Variants in MYO1D observed in about 807,000 individuals in gnomAD.
MYO1D encodes unconventional myosin-Id.
A neutral mutation model predicts 122.0 loss-of-function variants in MYO1D; 83 were observed. The ratio of observed to expected loss-of-function variants is 0.68; its 90% CI spans 0.57 to 0.82. The LOEUF (loss-of-function observed/expected upper bound fraction) is 0.82. Among genes scored for constraint, MYO1D ranks in the 40% least tolerant of loss-of-function variants. The pLI is 0.00. For synonymous variants in MYO1D, 464 were observed against 446.9 expected, an observed-to-expected ratio of 1.04 and a Z score of -0.48; for missense variants, 1,157 against 1,269.5, an observed-to-expected ratio of 0.91 and a Z score of 1.35.
chr17:32,499,324 C>A (rs1450295900), intron 21 of MYO1D: 2 of 151,074 alleles, frequency 1.3e-5, no homozygotes, highest in Non-Finnish European at 2.9e-5. Context: ...CATAGTGAGA[C>A]CCTGTCTCTA....
At chr17:32,525,464 T>C (rs1328509374) in intron 21 of MYO1D, among the ~76,000 whole-genome samples, 1 of 151,608 alleles carries the variant, frequency 6.6e-6, no homozygotes, top group Non-Finnish European at 1.5e-5. Flanking sequence ...TTTTTTTTTT[T>C]CAGGTAATAA....
intron 16 of MYO1D, among the ~76,000 whole-genome samples, chr17:32,669,265 A>C (rs1428275104): frequency 2.0e-5 from 3 of 152,216 alleles, no homozygotes; most frequent in African/African-American, 7.2e-5. Context: ...TTGTACTAGG[A>C]AGATAAGAAC....
intron 12 of MYO1D, among the ~76,000 whole-genome samples, chr17:32,746,471 T>C (rs2089839409): frequency 6.6e-6 from 1 of 152,202 alleles, no homozygotes; most frequent in Admixed American, 6.5e-5. Flanking sequence ...TGGAAGTATT[T>C]CCTTACTCTA....
intron 20 of MYO1D, among the ~76,000 whole-genome samples, chr17:32,624,786 C>CTTTT (rs11332360): frequency 2.1e-5 from 3 of 140,254 alleles, no homozygotes; most frequent in Non-Finnish European, 3.1e-5. Context: ...TTTTTTGTAT[C>CTTTT]TTTTTTTTTT....
intron 21 of MYO1D, among the ~76,000 whole-genome samples, chr17:32,509,314 C>T (rs1909604183): frequency 6.6e-6 from 1 of 152,176 alleles, no homozygotes; most frequent in African/African-American, 2.4e-5. Flanking sequence ...CATTACCTTG[C>T]TTTGTAAACC....
intron 10 of MYO1D, among the ~76,000 whole-genome samples, chr17:32,757,891 C>T (rs1349392011): frequency 6.6e-6 from 1 of 152,104 alleles, no homozygotes; most frequent in Non-Finnish European, 1.5e-5. Context: ...GGACATGGGG[C>T]TCTGGCCTTT....
At chr17:32,707,555 A>G (rs1197086520) in intron 16 of MYO1D, among the ~76,000 whole-genome samples, 1 of 107,508 alleles carries the variant, frequency 9.3e-6, no homozygotes, top group Non-Finnish European at 1.8e-5. Flanking sequence ...TTTAGGGAAG[A>G]CTAATGGGGG....
In MYO1D at chr17:32,721,205, A is replaced by G. The variant is rs898891900; in HGVS notation, c.1747-16T>C. Reference sequence around the variant, plus strand: ...AATATGGTTCCTAAAGAAATAAATCAGCAAATGGTAAGTTTCACTGGAGAA... The same window carrying G: ...AATATGGTTCCTAAAGAAATAAATCGGCAAATGGTAAGTTTCACTGGAGAA... On this transcript the variant is annotated splice_polypyrimidine_tract_variant and intron_variant, in intron 14 of 21. Transcript: ENST00000318217. 2 of 1,609,766 alleles carry G rather than the reference A, an allele frequency of 1.2e-6. No homozygotes were observed. Among genetic ancestry groups the G allele is most frequent in the East Asian group, 2.2e-5 (1 of 44,794 alleles).
chr17:32,604,302 G>T (rs1285022469), intron 21 of MYO1D, among the ~76,000 whole-genome samples: 1 of 152,154 alleles, frequency 6.6e-6, no homozygotes, highest in African/African-American at 2.4e-5. Flanking sequence ...CACTGATTTT[G>T]ATGAGTGGTC....
chr17:32,502,514 C>A (rs539118890), intron 21 of MYO1D, among the ~76,000 whole-genome samples: 120 of 152,258 alleles, frequency 7.9e-4, no homozygotes, highest in African/African-American at 2.9e-3. Flanking sequence ...TGTGAATGTA[C>A]TAAATGTGAC....
At chr17:32,598,460 T>G (rs925418599) in intron 21 of MYO1D, among the ~76,000 whole-genome samples, 13 of 152,242 alleles carry the variant, frequency 8.5e-5, no homozygotes, top group Non-Finnish European at 1.5e-5. Context: ...CATGGTGGAA[T>G]TTTTGATTTG....
In MYO1D at chr17:32,760,554, G is replaced by T. The variant is rs780881772; in HGVS notation, c.1109C>A (p.Thr370Asn). ...AACAGTGTTTTTCCCATGGATTGTG[G>T]TGTCATAGTTCTTGACCTCAATAAT... ...NDIIEVKNYD[T>N]TIHGKNTVIG... Residue 370 changes from threonine (T) to asparagine (N), a missense_variant, in exon 9 of 22, where the codon ACC (threonine) becomes AAC (asparagine). Transcript: ENST00000318217. The T allele has an allele frequency of 1.2e-6, 2 of 1,613,674 alleles. No individual in the cohort carries two copies. The highest frequency in any genetic ancestry group is 1.3e-5 in the African/African-American group (1 of 74,874).
At chr17:32,768,034 T>C (rs1010105233) in intron 6 of MYO1D, among the ~76,000 whole-genome samples, 2 of 152,194 alleles carry the variant, frequency 1.3e-5, no homozygotes, top group African/African-American at 2.4e-5. Context: ...GACAAGCTGA[T>C]CCCCCACTCC....
intron 21 of MYO1D, among the ~76,000 whole-genome samples, chr17:32,554,205 C>T (rs2087047975): frequency 6.6e-6 from 1 of 152,128 alleles, no homozygotes; most frequent in Admixed American, 6.6e-5. Flanking sequence ...CTGCCCCTGC[C>T]CCTGCCCCTG....
intron 21 of MYO1D, among the ~76,000 whole-genome samples, chr17:32,545,922 G>A (rs372257568): frequency 2.9e-4 from 44 of 151,914 alleles, no homozygotes; most frequent in African/African-American, 9.7e-4. Flanking sequence ...AGGACTTGGG[G>A]TACTTGGGAG....
intron 21 of MYO1D, among the ~76,000 whole-genome samples, chr17:32,521,791 T>C (rs1567875880): frequency 6.6e-6 from 1 of 150,486 alleles, no homozygotes; most frequent in African/African-American, 2.4e-5. Flanking sequence ...CTACTAAAAA[T>C]AAAAAAATTA....
chr17:32,603,602 A>T (rs1449787354), intron 21 of MYO1D, among the ~76,000 whole-genome samples: 2 of 145,338 alleles, frequency 1.4e-5, no homozygotes, highest in Admixed American at 1.4e-4. Context: ...CTTGGCTCAC[A>T]GCAAGCTCCG....
chr17:32,652,690 CTATCATCTCCAGGTAAATAGCAGCCCA>C (rs2088408747), intron 19 of MYO1D, among the ~76,000 whole-genome samples: 1 of 152,040 alleles, frequency 6.6e-6, no homozygotes, highest in East Asian at 1.9e-4. Context: ...TGCCCAACTG[CTATCATCTCCAGGTAAATAGCAGCCCA>C]AGTATCCTGC....
intron 20 of MYO1D, among the ~76,000 whole-genome samples, chr17:32,627,506 G>A (rs1048111434): frequency 6.6e-6 from 1 of 152,170 alleles, no homozygotes; most frequent in Admixed American, 6.5e-5. Context: ...AGCAAGTCAC[G>A]TCAAATAGAG....
Sources: gnomAD v4.1 joint callset for allele counts (sites outside exome capture counted in the v4.1 genomes callset) on GRCh38, gnomAD v4.1.1 for gene constraint, MANE v1.5 for transcripts, NCBI Gene and HGNC (gene_info 2026-07-23, HGNC 2026-07-21) for gene names.